The following CEP112 variants were observed in gnomAD, a reference collection of about 807,000 sequenced individuals.
CEP112 encodes centrosomal protein of 112 kDa.
In CEP112, 127 loss-of-function variants were observed where a neutral mutation model predicts 153.0. The observed-to-expected ratio is 0.83, with a 90% CI of 0.72 to 0.96. The LOEUF (loss-of-function observed/expected upper bound fraction) is 0.96. CEP112 is among the 40% of genes least tolerant of loss of function. CEP112 has a pLI of 0.00. For missense variants in CEP112, 1,089 were observed against 1,101.2 expected, an observed-to-expected ratio of 0.99 and a Z score of 0.16; for synonymous variants, 358 against 374.4, an observed-to-expected ratio of 0.96 and a Z score of 0.51.
intron 20 of CEP112, among the ~76,000 whole-genome samples, chr17:65,876,845 T>C (rs1034141618): frequency 1.3e-5 from 2 of 152,178 alleles, no homozygotes; most frequent in African/African-American, 2.4e-5. Flanking sequence ...TTTTGATTGT[T>C]ACATTTTCAG....
chr17:65,757,198 C>T (rs750451110), intron 21 of CEP112, among the ~76,000 whole-genome samples: 6 of 152,124 alleles, frequency 3.9e-5, no homozygotes, highest in Non-Finnish European at 5.9e-5. Flanking sequence ...GAATGAATTT[C>T]TATGGTTTAA....
chr17:65,680,498 C>G (rs984945919), intron 24 of CEP112, among the ~76,000 whole-genome samples: 1 of 152,110 alleles, frequency 6.6e-6, no homozygotes, highest in Non-Finnish European at 1.5e-5. Flanking sequence ...CTCCCTCTTT[C>G]CATCCCGTCC....
chr17:66,118,599 A>G (rs1367634198), intron 6 of CEP112, among the ~76,000 whole-genome samples: 3 of 152,122 alleles, frequency 2.0e-5, no homozygotes, highest in African/African-American at 7.2e-5. Flanking sequence ...AGGGACTGGT[A>G]AATAGGTATG....
At chr17:65,901,466 C>T (rs1173551047) in intron 20 of CEP112, among the ~76,000 whole-genome samples, 1 of 152,066 alleles carries the variant, frequency 6.6e-6, no homozygotes, top group African/African-American at 2.4e-5. Context: ...CTTTTTTCAT[C>T]TGAAATTTAT....
At chr17:65,872,827 C>T (rs2058707438) in intron 20 of CEP112, 1 of 152,126 alleles carries the variant, frequency 6.6e-6, no homozygotes. Context: ...CCCAATTTAG[C>T]TCACAGCTCT....
At chr17:65,688,830 C>A (rs776108102) in intron 24 of CEP112, 12 of 228,270 alleles carry the variant, frequency 5.3e-5, no homozygotes, top group Non-Finnish European at 9.4e-5. Flanking sequence ...TGCAATGGTG[C>A]GATCTCGGCT....
At chr17:65,807,685 G>T (rs1224920443) in intron 21 of CEP112, among the ~76,000 whole-genome samples, 1 of 152,216 alleles carries the variant, frequency 6.6e-6, no homozygotes, top group East Asian at 1.9e-4. Context: ...GAGGGTACAA[G>T]TCCCAAGCCT....
intron 24 of CEP112, among the ~76,000 whole-genome samples, chr17:65,672,765 G>C (rs1447457215): frequency 6.6e-6 from 1 of 152,106 alleles, no homozygotes; most frequent in East Asian, 1.9e-4. Flanking sequence ...ATTGGCACAG[G>C]AAATCGATAA....
At chr17:65,838,178 C>G (rs962548074) in intron 21 of CEP112, among the ~76,000 whole-genome samples, 1 of 152,126 alleles carries the variant, frequency 6.6e-6, no homozygotes. Flanking sequence ...GAATTTTCCA[C>G]CCAACTGCTG....
intron 17 of CEP112, among the ~76,000 whole-genome samples, chr17:65,971,602 GTGTGCATAT>G (rs2062826206): frequency 1.8e-5 from 1 of 54,074 alleles, no homozygotes; most frequent in Non-Finnish European, 4.2e-5. Context: ...CATGCATATT[GTGTGCATAT>G]TATATGTATA....
chr17:65,908,033 G>A (rs1345519131), intron 19 of CEP112, among the ~76,000 whole-genome samples: 3 of 152,188 alleles, frequency 2.0e-5, no homozygotes, highest in Non-Finnish European at 4.4e-5. Flanking sequence ...GTTAAGGGGT[G>A]TGGGGCATCT....
chr17:65,937,241 G>A (rs1169174682), intron 18 of CEP112, among the ~76,000 whole-genome samples: 3 of 114,486 alleles, frequency 2.6e-5, no homozygotes, highest in Admixed American at 1.1e-4. Context: ...CCGCCACCCC[G>A]TCTGGGAAGT....
intron 23 of CEP112, among the ~76,000 whole-genome samples, chr17:65,691,357 CT>C (rs917760823): frequency 1.3e-5 from 2 of 152,090 alleles, no homozygotes; most frequent in Non-Finnish European, 1.5e-5. Flanking sequence ...TTCTAGACTC[CT>C]TTGAGAATCT....
chr17:65,715,594 G>A (rs1188242684), intron 23 of CEP112, among the ~76,000 whole-genome samples: 2 of 151,956 alleles, frequency 1.3e-5, no homozygotes, highest in African/African-American at 4.8e-5. Context: ...GGGACTACAG[G>A]CTCCCGCCAC....
At chr17:66,116,156 T>G (rs935814661) in intron 6 of CEP112, among the ~76,000 whole-genome samples, 1 of 152,200 alleles carries the variant, frequency 6.6e-6, no homozygotes, top group Non-Finnish European at 1.5e-5. Context: ...TCCTTGAAAT[T>G]TGTAACGTTC....
At chr17:65,712,198 C>T (rs1179833304) in intron 23 of CEP112, among the ~76,000 whole-genome samples, 1 of 152,080 alleles carries the variant, frequency 6.6e-6, no homozygotes, top group Admixed American at 6.5e-5. Context: ...TACTTGAATG[C>T]CCACTGTGCT....
intron 23 of CEP112, among the ~76,000 whole-genome samples, chr17:65,722,599 C>G (rs528435397): frequency 6.6e-6 from 1 of 152,090 alleles, no homozygotes; most frequent in African/African-American, 2.4e-5. Context: ...TTCTGTTAAT[C>G]AATGAAATAA....
chr17:65,922,556 G>A (rs2060773304), intron 19 of CEP112, among the ~76,000 whole-genome samples: 1 of 151,638 alleles, frequency 6.6e-6, no homozygotes, highest in African/African-American at 2.4e-5. Flanking sequence ...GGCCACACTT[G>A]GTTATAAATT....
intron 22 of CEP112, among the ~76,000 whole-genome samples, chr17:65,745,980 A>G (rs1027737769): frequency 2.0e-5 from 3 of 152,018 alleles, no homozygotes; most frequent in Non-Finnish European, 4.4e-5. Context: ...CCTGGCCAAC[A>G]TGGCGAAACC....
Sources: allele counts gnomAD v4.1 joint callset (sites outside exome capture counted in the v4.1 genomes callset), GRCh38; gene constraint gnomAD v4.1.1; transcripts MANE v1.5; gene names NCBI Gene and HGNC (gene_info 2026-07-23, HGNC 2026-07-21).